Variants in PRKN observed in about 807,000 individuals in gnomAD.
PRKN encodes E3 ubiquitin-protein ligase parkin.
Under a neutral mutation model 59.5 loss-of-function variants are expected in PRKN, and 56 were observed. The ratio of observed to expected loss-of-function variants is 0.94; its 90% CI spans 0.76 to 1.18. PRKN has a LOEUF of 1.18. Among genes scored for constraint, PRKN ranks in the 50% most tolerant of loss-of-function variants. The pLI, the probability that PRKN is intolerant of heterozygous loss-of-function variation, is 0.00. For synonymous variants in PRKN, 250 were observed against 222.1 expected, an observed-to-expected ratio of 1.13 and a Z score of -1.12; for missense variants, 657 against 596.4, an observed-to-expected ratio of 1.10 and a Z score of -1.06.
chr6:161,439,222 C>G (rs80324971), intron 9 of PRKN, among the ~76,000 whole-genome samples: 2,437 of 152,280 alleles, frequency 0.016, 76 homozygotes, highest in African/African-American at 0.056. Flanking sequence ...AACAATGACT[C>G]ATTAGTCCCG....
At chr6:162,289,804 C>G (rs1583321418) in intron 2 of PRKN, among the ~76,000 whole-genome samples, 1 of 152,136 alleles carries the variant, frequency 6.6e-6, no homozygotes, top group Non-Finnish European at 1.5e-5. Flanking sequence ...CCAGCTGCCT[C>G]TGCTGTGGCA....
At chr6:162,096,763 T>G (rs1240864223) in intron 4 of PRKN, among the ~76,000 whole-genome samples, 2 of 135,422 alleles carry the variant, frequency 1.5e-5, no homozygotes, top group African/African-American at 2.6e-5. Flanking sequence ...GAACTATGAG[T>G]CCATTTAACC....
chr6:161,655,997 T>C (rs548026161), intron 7 of PRKN, among the ~76,000 whole-genome samples: 16 of 152,310 alleles, frequency 1.1e-4, no homozygotes, highest in African/African-American at 3.8e-4. Context: ...AGCATCTTCC[T>C]GGCTGCTTCC....
chr6:161,967,565 G>C (rs1450308962), intron 6 of PRKN, among the ~76,000 whole-genome samples: 1 of 152,122 alleles, frequency 6.6e-6, no homozygotes, highest in Non-Finnish European at 1.5e-5. Context: ...GTAAATGAAA[G>C]AGTTATCAGT....
chr6:161,506,244 C>T (rs1375584104), intron 9 of PRKN, among the ~76,000 whole-genome samples: 2 of 152,054 alleles, frequency 1.3e-5, no homozygotes, highest in Non-Finnish European at 2.9e-5. Flanking sequence ...TCCTTCACAT[C>T]CCTTGTAAGG....
At chr6:162,085,083 C>G (rs1583009520) in intron 4 of PRKN, among the ~76,000 whole-genome samples, 1 of 150,150 alleles carries the variant, frequency 6.7e-6, no homozygotes, top group African/African-American at 2.5e-5. Context: ...AGACTCACTC[C>G]TCATGCAGTG....
intron 9 of PRKN, among the ~76,000 whole-genome samples, chr6:161,465,029 C>A (rs1230139934): frequency 6.6e-6 from 1 of 152,222 alleles, no homozygotes; most frequent in Non-Finnish European, 1.5e-5. Context: ...GCGATCCTCT[C>A]CAGGTGAGCT....
intron 2 of PRKN, among the ~76,000 whole-genome samples, chr6:162,277,553 T>G (rs1243631938): frequency 2.0e-5 from 3 of 151,768 alleles, no homozygotes; most frequent in Non-Finnish European, 2.9e-5. Context: ...GTCAGAATAA[T>G]TTAAAAAAAT....
chr6:162,538,712 C>G (rs1485075268), intron 1 of PRKN, among the ~76,000 whole-genome samples: 4 of 152,184 alleles, frequency 2.6e-5, no homozygotes, highest in Admixed American at 2.0e-4. Context: ...GCACATGGCT[C>G]TCTTGTAAAG....
chr6:162,387,485 A>T (rs1479375629), intron 2 of PRKN, among the ~76,000 whole-genome samples: 1 of 151,818 alleles, frequency 6.6e-6, no homozygotes, highest in Non-Finnish European at 1.5e-5. Context: ...TTAAGAAGAA[A>T]ATAAAAATTA....
At chr6:162,400,240 AAAAC>A (rs939457874) in intron 2 of PRKN, among the ~76,000 whole-genome samples, 1 of 151,964 alleles carries the variant, frequency 6.6e-6, no homozygotes, top group Non-Finnish European at 1.5e-5. Context: ...ACAAAAAAAA[AAAAC>A]AAAGAAGATT....
At chr6:162,371,296 T>A (rs114145674) in intron 2 of PRKN, among the ~76,000 whole-genome samples, 1,609 of 152,260 alleles carry the variant, frequency 0.011, 29 homozygotes, top group African/African-American at 0.036. Context: ...TAATAGGAAC[T>A]GTCTTCTTTA....
At chr6:162,574,282 C>T (rs1402742721) in intron 1 of PRKN, among the ~76,000 whole-genome samples, 3 of 151,992 alleles carry the variant, frequency 2.0e-5, no homozygotes, top group Non-Finnish European at 4.4e-5. Context: ...TGGAGAAAAA[C>T]GGAGGGACGT....
intron 3 of PRKN, among the ~76,000 whole-genome samples, chr6:162,247,169 C>A (rs1779234138): frequency 6.6e-6 from 1 of 152,114 alleles, no homozygotes; most frequent in African/African-American, 2.4e-5. Flanking sequence ...CCTATTATGA[C>A]TTTCCAGTTT....
Position 162,165,180 on chromosome 6 carries a change from T to G in PRKN, c.534+35951A>C, listed in dbSNP as rs1446883542. ...CTCACACTATCATAAAATTTACATATGTTGGATCCTAAACCTAAATGTGAA... is the reference window on the plus strand; with the variant it reads ...CTCACACTATCATAAAATTTACATAGGTTGGATCCTAAACCTAAATGTGAA... On this transcript the variant is annotated intron_variant, in intron 4 of 11. Coordinates refer to ENST00000366898, the MANE Select transcript of PRKN (RefSeq NM_004562.3). Among the ~76,000 whole-genome samples, 6 of 149,050 alleles carry G rather than the reference T, an allele frequency of 4.0e-5. No individual in the cohort carries two copies. In the East Asian group the frequency reaches 1.2e-3, roughly 29 times the overall value.
At chr6:161,863,990 C>T (rs190636842) in intron 6 of PRKN, among the ~76,000 whole-genome samples, 15 of 152,254 alleles carry the variant, frequency 9.9e-5, no homozygotes, top group African/African-American at 3.4e-4. Context: ...CATTCAGCAG[C>T]TTTTAATTTT....
In PRKN at chr6:161,570,144, AAAAT is replaced by A. The variant is rs1396531974; in HGVS notation, c.872-732_872-729del. Among the ~76,000 whole-genome samples, 7 of 121,788 alleles carry A rather than the reference AAAAT, an allele frequency of 5.7e-5. No homozygotes were observed. In the South Asian group the frequency reaches 1.2e-3, roughly 20 times the overall value. 79.9% of individuals were successfully genotyped at this position (121,788 alleles called of 152,430 possible). On this transcript the variant is annotated intron_variant, in intron 7 of 11. Transcript: ENST00000366898. ...ATAGGTAAAAAAAAAAAAAAAAAAA[AAAAT>A]ATATATATATATATATATATGCACA...
At chr6:162,078,869 A>G (rs2128293055) in intron 4 of PRKN, among the ~76,000 whole-genome samples, 2 of 63,956 alleles carry the variant, frequency 3.1e-5, no homozygotes, top group South Asian at 1.0e-3. Context: ...CTTAATAATT[A>G]ATACTTAATA....
chr6:162,287,061 A>G (rs1018292833), intron 2 of PRKN, among the ~76,000 whole-genome samples: 1 of 152,196 alleles, frequency 6.6e-6, no homozygotes, highest in African/African-American at 2.4e-5. Context: ...TGAACCCTCC[A>G]ATTCTTCTCT....
Sources: gnomAD v4.1 joint callset for allele counts (sites outside exome capture counted in the v4.1 genomes callset) on GRCh38, gnomAD v4.1.1 for gene constraint, MANE v1.5 for transcripts, NCBI Gene and HGNC (gene_info 2026-07-23, HGNC 2026-07-21) for gene names.